Variants in WDR72 observed in about 807,000 individuals in gnomAD.
WDR72 encodes the protein WD repeat-containing protein 72.
A neutral mutation model predicts 124.2 loss-of-function variants in WDR72; 120 were observed. That is an observed-to-expected ratio of 0.97 (90% CI 0.83 to 1.12). WDR72 has a LOEUF of 1.12. Ranked by LOEUF, WDR72 falls within the 50% of genes most tolerant of loss-of-function variation. WDR72 has a pLI of 0.00. For synonymous variants in WDR72, 452 were observed against 441.7 expected (o/e 1.02, Z -0.29); for missense variants, 1,387 against 1,278.8 (o/e 1.08, Z -1.29).
chr15:53,690,310 A>T (rs1441520069), intron 13 of WDR72, among the ~76,000 whole-genome samples: 2 of 152,202 alleles, frequency 1.3e-5, no homozygotes, highest in Non-Finnish European at 2.9e-5. Flanking sequence ...ATATACATTA[A>T]CTACACAATT....
intron 1 of WDR72, among the ~76,000 whole-genome samples, chr15:53,744,235 T>C (rs751447975): frequency 3.3e-5 from 5 of 152,176 alleles, no homozygotes; most frequent in Admixed American, 1.3e-4. Flanking sequence ...ACTTTCAACC[T>C]GGTGTATACG....
At chr15:53,567,352 C>T (rs1274765966) in intron 18 of WDR72, among the ~76,000 whole-genome samples, 2 of 151,948 alleles carry the variant, frequency 1.3e-5, no homozygotes, top group Non-Finnish European at 2.9e-5. Flanking sequence ...AATATGTAGG[C>T]ACTGTCAGTC....
chr15:53,704,557 T>C (rs766365096), intron 11 of WDR72, among the ~76,000 whole-genome samples: 7 of 151,666 alleles, frequency 4.6e-5, no homozygotes, highest in Non-Finnish European at 1.0e-4. Flanking sequence ...AGTGGAGTCT[T>C]GCCCTGTTGC....
At chr15:53,702,471 C>T (rs1475218019) in intron 11 of WDR72, 117 bp from the exon 12 acceptor site, 2 of 835,068 alleles carry the variant, frequency 2.4e-6, no homozygotes, top group Non-Finnish European at 3.8e-6. Flanking sequence ...AAAGCATGCA[C>T]TTGGCTAAGA....
intron 18 of WDR72, among the ~76,000 whole-genome samples, chr15:53,577,861 G>A (rs2011696224): frequency 6.6e-6 from 1 of 152,056 alleles, no homozygotes; most frequent in South Asian, 2.1e-4. Flanking sequence ...TTATTCTAGT[G>A]ATATGATTCT....
intron 18 of WDR72, among the ~76,000 whole-genome samples, chr15:53,563,607 T>A (rs1894198269): frequency 1.3e-5 from 2 of 151,612 alleles, no homozygotes; most frequent in Admixed American, 1.3e-4. Context: ...CCAAACTAGG[T>A]TTGAGGTGAA....
intron 9 of WDR72, among the ~76,000 whole-genome samples, chr15:53,709,126 A>C (rs941392510): frequency 2.0e-5 from 3 of 152,226 alleles, no homozygotes; most frequent in Admixed American, 1.3e-4. Flanking sequence ...TCATCTCTTC[A>C]TCCTACCACA....
chr15:53,746,817 T>C (rs545926187), intron 1 of WDR72, among the ~76,000 whole-genome samples: 4 of 152,332 alleles, frequency 2.6e-5, no homozygotes, highest in African/African-American at 7.2e-5. Context: ...AATTGTGCAC[T>C]TTAAAAGTAT....
chr15:53,716,478 A>G, intron 4 of WDR72, 129 bp downstream of exon 4: 1 of 731,836 alleles, frequency 1.4e-6, no homozygotes, highest in South Asian at 1.5e-5. Context: ...GTGATATTTG[A>G]CCCTCATGAC....
At chr15:53,589,268 C>A (rs1340501030) in intron 18 of WDR72, among the ~76,000 whole-genome samples, 2 of 151,582 alleles carry the variant, frequency 1.3e-5, no homozygotes, top group African/African-American at 4.8e-5. Context: ...TGGTGACTCT[C>A]AGATAACACG....
chr15:53,615,565 G>A lies in WDR72; in HGVS notation c.2641C>T (p.Gln881Ter). Residue 881 changes from glutamine to a stop codon, truncating the protein, a stop_gained, in exon 15 of 20, where the codon CAG (glutamine) becomes TAG (stop). Coordinates refer to ENST00000360509, the MANE Select transcript of WDR72 (RefSeq NM_182758.4). LOFTEE classifies it high-confidence loss of function. ...SDKYTATLPN[Q>*]VGIPRGLENN... ...TCCAATCCTCTTGGAATTCCAACCT[G>A]ATTTGGAAGAGTGGCTGTGTATTTA... 6.2e-7 allele frequency: 1 copy of A among 1,613,042 alleles called. No individual in the cohort carries two copies.
intron 17 of WDR72, among the ~76,000 whole-genome samples, chr15:53,599,381 T>A (rs1432769380): frequency 6.6e-6 from 1 of 152,152 alleles, no homozygotes; most frequent in African/African-American, 2.4e-5. Flanking sequence ...GGATTATAAG[T>A]GAAAACGTTT....
intron 13 of WDR72, among the ~76,000 whole-genome samples, chr15:53,672,148 C>T (rs1164313185): frequency 6.6e-6 from 1 of 152,056 alleles, no homozygotes; most frequent in East Asian, 1.9e-4. Flanking sequence ...TGCTTCCTAC[C>T]TAATAGGGGC....
intron 14 of WDR72, among the ~76,000 whole-genome samples, chr15:53,626,245 G>GT (rs1282441028): frequency 6.6e-6 from 1 of 152,212 alleles, no homozygotes; most frequent in East Asian, 1.9e-4. Context: ...CGCGATGAGT[G>GT]TTATAGCTCT....
intron 18 of WDR72, among the ~76,000 whole-genome samples, chr15:53,563,395 T>A (rs576654730): frequency 7.5e-4 from 114 of 151,934 alleles, no homozygotes; most frequent in Non-Finnish European, 1.5e-3. Flanking sequence ...TGTACTTCAT[T>A]TGAGCTGTTA....
At chr15:53,690,963 CTT>C (rs1363289034) in intron 13 of WDR72, among the ~76,000 whole-genome samples, 3 of 152,242 alleles carry the variant, frequency 2.0e-5, no homozygotes, top group African/African-American at 7.2e-5. Context: ...TGCTAATACT[CTT>C]TGTTTTCCAC....
At chr15:53,738,083 C>G (rs1483904862) in intron 1 of WDR72, among the ~76,000 whole-genome samples, 1 of 152,036 alleles carries the variant, frequency 6.6e-6, no homozygotes, top group Non-Finnish European at 1.5e-5. Context: ...TCTAAATGAT[C>G]CCTGGGCTAC....
In WDR72 at chr15:53,651,418, G is replaced by T. The variant is rs949659142; in HGVS notation, c.1962+14154C>A. On this transcript the variant is annotated intron_variant, in intron 14 of 19. Transcript: ENST00000360509. ...CGATGTATCCACTCTCACTAGAAAT[G>T]TAAGTGCCATGGGCACCATGATCTT... Among the ~76,000 whole-genome samples, 4 of 152,316 alleles carry T rather than the reference G, an allele frequency of 2.6e-5. 1 individual carries two copies. The highest frequency in any genetic ancestry group is 4.8e-5 in the African/African-American group (2 of 41,578).
chr15:53,570,818 T>C (rs1337288987), intron 18 of WDR72, among the ~76,000 whole-genome samples: 1 of 152,104 alleles, frequency 6.6e-6, no homozygotes, highest in Non-Finnish European at 1.5e-5. Flanking sequence ...GGCAAAGACA[T>C]GGGATGATCC....
Sources: gnomAD v4.1 joint callset for allele counts (sites outside exome capture counted in the v4.1 genomes callset) on GRCh38, gnomAD v4.1.1 for gene constraint, MANE v1.5 for transcripts, NCBI Gene and HGNC (gene_info 2026-07-23, HGNC 2026-07-21) for gene names.